The following ZSWIM6 variants were observed in gnomAD, a reference collection of about 807,000 sequenced individuals.
ZSWIM6 encodes zinc finger SWIM-type containing 6, also known as zinc finger SWIM domain-containing protein 6.
ZSWIM6 carries 9 observed loss-of-function variants against 113.2 expected under a neutral mutation model. The ratio of observed to expected loss-of-function variants is 0.08; its 90% CI spans 0.05 to 0.14. The LOEUF (loss-of-function observed/expected upper bound fraction) is 0.14. Among genes scored for constraint, ZSWIM6 ranks in the 10% least tolerant of loss-of-function variants. The probability of loss-of-function intolerance (pLI) is 1.00; values close to 1 mark genes in which losing one functional copy is unlikely to be tolerated. For missense variants in ZSWIM6, 1,162 were observed against 1,552.2 expected, an observed-to-expected ratio of 0.75 and a Z score of 4.22; for synonymous variants, 611 against 606.5, an observed-to-expected ratio of 1.01 and a Z score of -0.11.
chr5:61,427,709 G>A (rs1316861304), intron 1 of ZSWIM6, among the ~76,000 whole-genome samples: 4 of 151,822 alleles, frequency 2.6e-5, no homozygotes, highest in Non-Finnish European at 4.4e-5. Context: ...TCGAACTCCC[G>A]GGCTTAAGTG....
At chr5:61,537,429 C>A (rs1749609076) in intron 10 of ZSWIM6, among the ~76,000 whole-genome samples, 1 of 152,142 alleles carries the variant, frequency 6.6e-6, no homozygotes, top group Non-Finnish European at 1.5e-5. Context: ...GCTTCTTAGT[C>A]CTTCTGGAAG....
intron 2 of ZSWIM6, among the ~76,000 whole-genome samples, chr5:61,487,562 C>A (rs561676458): frequency 1.5e-4 from 23 of 152,080 alleles, no homozygotes; most frequent in African/African-American, 5.5e-4. Flanking sequence ...TCTTTAATTT[C>A]ATTCATCACT....
intron 5 of ZSWIM6, among the ~76,000 whole-genome samples, chr5:61,521,738 CTAATT>C (rs1280649158): frequency 2.0e-5 from 3 of 152,166 alleles, no homozygotes; most frequent in African/African-American, 7.2e-5. Context: ...ACATTCTTCT[CTAATT>C]TAAAAAGATC....
chr5:61,508,204 T>C (rs1020330310), intron 4 of ZSWIM6, among the ~76,000 whole-genome samples: 4 of 152,164 alleles, frequency 2.6e-5, no homozygotes, highest in Admixed American at 6.6e-5. Flanking sequence ...GGTGGATAAG[T>C]GTAGATGCCA....
At chr5:61,432,887 CA>C (rs1157740147) in intron 1 of ZSWIM6, among the ~76,000 whole-genome samples, 1 of 152,192 alleles carries the variant, frequency 6.6e-6, no homozygotes, top group African/African-American at 2.4e-5. Flanking sequence ...ACATAACTCA[CA>C]CCTTCCATAC....
intron 1 of ZSWIM6, among the ~76,000 whole-genome samples, chr5:61,448,031 G>A (rs1365431873): frequency 6.6e-6 from 1 of 152,210 alleles, no homozygotes. Flanking sequence ...ATGGTATCTG[G>A]TAATTATAGT....
chr5:61,434,286 C>T (rs1260920360), intron 1 of ZSWIM6, among the ~76,000 whole-genome samples: 1 of 150,338 alleles, frequency 6.7e-6, no homozygotes, highest in Non-Finnish European at 1.5e-5. Flanking sequence ...TTTAATACTA[C>T]AGTTACTTAA....
chr5:61,460,034 T>C (rs1476122936), intron 1 of ZSWIM6, among the ~76,000 whole-genome samples: 1 of 152,220 alleles, frequency 6.6e-6, no homozygotes, highest in Non-Finnish European at 1.5e-5. Context: ...ACAACAGCAT[T>C]GGTGTATTTT....
intron 4 of ZSWIM6, among the ~76,000 whole-genome samples, chr5:61,520,271 A>G (rs1262767920): frequency 6.6e-6 from 1 of 152,206 alleles, no homozygotes; most frequent in Non-Finnish European, 1.5e-5. Context: ...ATACCTTTTC[A>G]AAGAAGTAGT....
intron 1 of ZSWIM6, among the ~76,000 whole-genome samples, chr5:61,466,743 A>C (rs1232961784): frequency 6.6e-6 from 1 of 152,202 alleles, no homozygotes; most frequent in Non-Finnish European, 1.5e-5. Flanking sequence ...AATATGCACA[A>C]AATGGCCAAC....
intron 1 of ZSWIM6, among the ~76,000 whole-genome samples, chr5:61,407,031 G>T (rs1049600480): frequency 1.1e-4 from 16 of 152,230 alleles, no homozygotes; most frequent in African/African-American, 3.9e-4. Flanking sequence ...ATCTTAAAAA[G>T]GATTTAGTTT....
At chr5:61,527,898 A>C (rs557676024) in intron 7 of ZSWIM6, among the ~76,000 whole-genome samples, 2 of 152,318 alleles carry the variant, frequency 1.3e-5, no homozygotes, top group South Asian at 4.1e-4. Context: ...TAATGTTCCT[A>C]AACATGTTTA....
At chr5:61,513,469 T>A (rs1748843459) in intron 4 of ZSWIM6, among the ~76,000 whole-genome samples, 1 of 152,148 alleles carries the variant, frequency 6.6e-6, no homozygotes. Context: ...ATAAAACTTT[T>A]AAATTTTGAT....
intron 1 of ZSWIM6, among the ~76,000 whole-genome samples, chr5:61,464,296 C>T (rs1387708754): frequency 4.0e-5 from 6 of 148,418 alleles, no homozygotes; most frequent in Non-Finnish European, 7.4e-5. Context: ...GTTGGGATTA[C>T]AGGCGTGAGC....
intron 1 of ZSWIM6, among the ~76,000 whole-genome samples, chr5:61,447,921 T>C (rs1189987984): frequency 2.0e-5 from 3 of 152,034 alleles, no homozygotes; most frequent in Non-Finnish European, 4.4e-5. Flanking sequence ...TGTGCTAAAA[T>C]AGGAATTAGG....
chr5:61,532,088 A>G (rs1019797176), intron 9 of ZSWIM6, among the ~76,000 whole-genome samples: 8 of 152,176 alleles, frequency 5.3e-5, no homozygotes, highest in African/African-American at 2.4e-5. Flanking sequence ...TATTTCCTTG[A>G]TCAATTAAAT....
chr5:61,486,657 C>G (rs1479753801), intron 2 of ZSWIM6, among the ~76,000 whole-genome samples: 1 of 152,110 alleles, frequency 6.6e-6, no homozygotes, highest in Non-Finnish European at 1.5e-5. Context: ...AAGATGATAT[C>G]TCATTGTGGT....
At chr5:61,455,644 G>A (rs1021567804) in intron 1 of ZSWIM6, among the ~76,000 whole-genome samples, 3 of 152,160 alleles carry the variant, frequency 2.0e-5, no homozygotes, top group East Asian at 1.9e-4. Context: ...CTTGGCTAGC[G>A]GGGCAGTGCA....
At chr5:61,448,028 C>G (rs1747004003) in intron 1 of ZSWIM6, among the ~76,000 whole-genome samples, 1 of 152,152 alleles carries the variant, frequency 6.6e-6, no homozygotes, top group Non-Finnish European at 1.5e-5. Context: ...GATATGGTAT[C>G]TGGTAATTAT....
Sources: gnomAD v4.1 joint callset for allele counts (sites outside exome capture counted in the v4.1 genomes callset) on GRCh38, gnomAD v4.1.1 for gene constraint, MANE v1.5 for transcripts, NCBI Gene and HGNC (gene_info 2026-07-23, HGNC 2026-07-21) for gene names.